Variants in SYCP1 observed in about 807,000 individuals in gnomAD.
The protein encoded by SYCP1 is synaptonemal complex protein 1.
A neutral mutation model predicts 153.1 loss-of-function variants in SYCP1; 64 were observed. That is an observed-to-expected ratio of 0.42 (90% CI 0.34 to 0.51). SYCP1 has a LOEUF of 0.51. Ranked by LOEUF, SYCP1 falls within the 20% of genes least tolerant of loss-of-function variation. The probability of loss-of-function intolerance (pLI) is 0.06; values close to 1 mark genes in which losing one functional copy is unlikely to be tolerated. For missense variants in SYCP1, 997 were observed against 1,049.0 expected (o/e 0.95, Z 0.68); for synonymous variants, 384 against 341.8 (o/e 1.12, Z -1.36).
chr1:114,885,567 G>T lies in SYCP1; in HGVS notation c.943G>T (p.Glu315Ter). The part of the protein sequence containing the change: ...LQSENLKQSI[E>*]KQHHLTKELE... ...GAGTGAAAACTTAAAACAATCAATT[G>T]AGAAACAGCATCATTTGACTAAAGA... Residue 315 changes from glutamate (E) to a stop codon, truncating the protein, a stop_gained, in exon 13 of 32, where the codon GAG becomes TAG. Transcript: ENST00000369522. LOFTEE classifies it high-confidence loss of function. 6.3e-7 allele frequency: 1 copy of T among 1,580,198 alleles called. No individual in the cohort carries two copies. Among genetic ancestry groups the T allele is most frequent in the South Asian group, 1.2e-5 (1 of 86,646 alleles).
At chr1:114,886,099 C>A in intron 13 of SYCP1, 26 bp from the exon 14 acceptor site, 1 of 1,511,866 alleles carries the variant, frequency 6.6e-7, no homozygotes. Flanking sequence ...GATCATTGCT[C>A]TTGTTTTATA....
Position 114,876,645 on chromosome 1 carries a change from A to G in SYCP1, c.728-92A>G, listed in dbSNP as rs112045060. ...AGTTTAATATAATTTAGAGATAAAT[A>G]AAGAGGTGAAATAAACTTTAAATTT... On this transcript the variant is annotated intron_variant, in intron 10 of 31. Coordinates refer to ENST00000369522, the MANE Select transcript of SYCP1 (RefSeq NM_003176.4). 5.3e-3 allele frequency: 3,108 copies of G among 586,170 alleles called. 86 individuals carry two copies. In the African/African-American group the frequency reaches 0.055, roughly 10 times the overall value. 36.3% of individuals were successfully genotyped at this position (586,170 alleles called of 1,614,324 possible).
intron 23 of SYCP1, among the ~76,000 whole-genome samples, chr1:114,930,963 G>A (rs1205335066): frequency 1.3e-5 from 2 of 151,778 alleles, no homozygotes; most frequent in African/African-American, 2.4e-5. Context: ...GAAATGTAAG[G>A]TTGGTTTAAA....
At chr1:114,976,901 T>G (rs1444867797) in intron 27 of SYCP1, among the ~76,000 whole-genome samples, 2 of 151,670 alleles carry the variant, frequency 1.3e-5, no homozygotes, top group Non-Finnish European at 3.0e-5. Flanking sequence ...TCTGCACACT[T>G]GGAGATTTTT....
At chr1:114,932,758 C>T (rs1669720913) in intron 23 of SYCP1, among the ~76,000 whole-genome samples, 1 of 152,240 alleles carries the variant, frequency 6.6e-6, no homozygotes, top group Non-Finnish European at 1.5e-5. Context: ...GATTATATCC[C>T]TTGCCTGGCT....
At chr1:114,968,382 A>G (rs1056580838) in intron 27 of SYCP1, among the ~76,000 whole-genome samples, 2 of 151,932 alleles carry the variant, frequency 1.3e-5, no homozygotes, top group Admixed American at 6.6e-5. Context: ...CATTCCTTTC[A>G]TTCTGTTTTC....
chr1:114,949,603 T>C lies in SYCP1; in HGVS notation c.2322+2283T>C, dbSNP rs565451902. Among the ~76,000 whole-genome samples the C allele has an allele frequency of 1.2e-3, 190 of 152,310 alleles. 2 individuals carry two copies. Among genetic ancestry groups the C allele is most frequent in the African/African-American group, 4.4e-3 (181 of 41,568 alleles). On this transcript the variant is annotated intron_variant, in intron 27 of 31. Transcript: ENST00000369522. ...AATATGCCTTGATATGTGAGGCCCATGGGGTCTTGATTACTATGTCTGTGG... is the reference window on the plus strand; with the variant it reads ...AATATGCCTTGATATGTGAGGCCCACGGGGTCTTGATTACTATGTCTGTGG...
chr1:114,988,080 C>CAAAAAAAAAAA (rs34553973), intron 30 of SYCP1, among the ~76,000 whole-genome samples: 36 of 114,558 alleles, frequency 3.1e-4, no homozygotes, highest in Admixed American at 4.3e-4. Context: ...TGATAAACGG[C>CAAAAAAAAAAA]AAAAAAAAAA....
intron 29 of SYCP1, among the ~76,000 whole-genome samples, chr1:114,981,931 C>G (rs1441623773): frequency 6.6e-6 from 1 of 152,066 alleles, no homozygotes; most frequent in Non-Finnish European, 1.5e-5. Flanking sequence ...ACCACAGTTA[C>G]TACTTCCCTT....
At chr1:114,866,757 T>TA (rs60026212) in intron 8 of SYCP1, among the ~76,000 whole-genome samples, 7,264 of 146,016 alleles carry the variant, frequency 0.05, 200 homozygotes, top group Middle Eastern at 0.078. Flanking sequence ...GGATTGTATC[T>TA]AAAAAAAAAA....
At chr1:114,967,659 T>C (rs377439051) in intron 27 of SYCP1, among the ~76,000 whole-genome samples, 1 of 152,202 alleles carries the variant, frequency 6.6e-6, no homozygotes, top group Non-Finnish European at 1.5e-5. Context: ...TGTCTTTTAA[T>C]TGGGGCATTT....
chr1:114,974,693 C>CA (rs1672702828), intron 27 of SYCP1, among the ~76,000 whole-genome samples: 1 of 151,778 alleles, frequency 6.6e-6, no homozygotes, highest in Non-Finnish European at 1.5e-5. Context: ...GCATAATATT[C>CA]TATTATATGT....
intron 23 of SYCP1, among the ~76,000 whole-genome samples, chr1:114,932,174 C>CA: frequency 6.6e-6 from 1 of 152,186 alleles, no homozygotes; most frequent in African/African-American, 2.4e-5. Flanking sequence ...GCAAAGAAAG[C>CA]AATATTCTTA....
At chr1:114,974,598 A>G (rs1672695043) in intron 27 of SYCP1, among the ~76,000 whole-genome samples, 1 of 151,828 alleles carries the variant, frequency 6.6e-6, no homozygotes, top group Non-Finnish European at 1.5e-5. Context: ...ATTTGTGCTT[A>G]TGTGACTGGC....
intron 16 of SYCP1, among the ~76,000 whole-genome samples, chr1:114,896,546 T>C (rs1051813852): frequency 6.6e-6 from 1 of 152,210 alleles, no homozygotes; most frequent in Non-Finnish European, 1.5e-5. Context: ...AAGGCTTTAT[T>C]CACCCTTTAG....
At chr1:114,882,356 A>G (rs974788626) in intron 12 of SYCP1, among the ~76,000 whole-genome samples, 2 of 152,114 alleles carry the variant, frequency 1.3e-5, no homozygotes, top group African/African-American at 4.8e-5. Context: ...CTGTATTGTA[A>G]TTCACTAATT....
chr1:114,957,937 A>T (rs1671540887), intron 27 of SYCP1, among the ~76,000 whole-genome samples: 1 of 152,222 alleles, frequency 6.6e-6, no homozygotes, highest in South Asian at 2.1e-4. Flanking sequence ...TACTGAGTAT[A>T]TATCCAAAAG....
intron 15 of SYCP1, 134 bp downstream of exon 15, chr1:114,887,827 C>A: frequency 3.7e-6 from 2 of 533,880 alleles, no homozygotes; most frequent in Non-Finnish European, 6.1e-6. Context: ...ATTTTTATTT[C>A]AATATTTGAA....
intron 8 of SYCP1, among the ~76,000 whole-genome samples, chr1:114,870,856 A>C (rs923722784): frequency 6.6e-6 from 1 of 152,148 alleles, no homozygotes; most frequent in South Asian, 2.1e-4. Context: ...TTGTCATTCA[A>C]AGTGATTATT....
Sources: allele counts gnomAD v4.1 joint callset (sites outside exome capture counted in the v4.1 genomes callset), GRCh38; gene constraint gnomAD v4.1.1; transcripts MANE v1.5; gene names NCBI Gene and HGNC (gene_info 2026-07-23, HGNC 2026-07-21).